Variants in USP39 observed in about 807,000 individuals in gnomAD.
USP39 encodes ubiquitin carboxyl-terminal hydrolase 39.
Under a neutral mutation model 66.4 loss-of-function variants are expected in USP39, and 38 were observed. The observed-to-expected ratio is 0.57, with a 90% CI of 0.44 to 0.75. The LOEUF is 0.75. Among genes scored for constraint, USP39 ranks in the 30% least tolerant of loss-of-function variants. USP39 has a pLI of 0.00. For synonymous variants in USP39, 303 were observed against 274.6 expected, an observed-to-expected ratio of 1.10 and a Z score of -1.02; for missense variants, 608 against 714.4, an observed-to-expected ratio of 0.85 and a Z score of 1.70.
intron 9 of USP39, 97 bp downstream of exon 9, chr2:85,639,488 C>G (rs549994476): frequency 1.7e-4 from 221 of 1,320,742 alleles, no homozygotes; most frequent in Admixed American, 1.4e-3. Flanking sequence ...GAGTTTTGCT[C>G]TTGTCGCCCA....
In USP39 at chr2:85,616,363, G is replaced by T. The variant is rs757922278; in HGVS notation, c.168G>T (p.Pro56=). Reference sequence around the variant, plus strand: ...TGCGCGTGAAGCGGGAGTTCGAGCCGGCGAGCGCGCGCGAGGCCCCGGCTT... The same window carrying T: ...TGCGCGTGAAGCGGGAGTTCGAGCCTGCGAGCGCGCGCGAGGCCCCGGCTT... The part of the protein sequence containing the change: ...SPVRVKREFE[P]ASAREAPASV... The change falls in exon 1 of 13, where the codon CCG becomes CCT. Residue 56 remains proline, a synonymous_variant. Transcript: ENST00000323701. The T allele has an allele frequency of 6.2e-7, 1 of 1,601,414 alleles. No individual in the cohort carries two copies. Among genetic ancestry groups the T allele is most frequent in the Admixed American group, 1.7e-5 (1 of 58,978 alleles).
intron 10 of USP39, among the ~76,000 whole-genome samples, chr2:85,642,026 G>A (rs571839107): frequency 4.4e-4 from 66 of 151,478 alleles, no homozygotes; most frequent in African/African-American, 1.5e-3. Flanking sequence ...GGCTGTCTTA[G>A]TGGTGGGACC....
At chr2:85,621,667 A>G (rs1674473790) in intron 3 of USP39, 88 bp downstream of exon 3, 4 of 993,666 alleles carry the variant, frequency 4.0e-6, no homozygotes, top group Non-Finnish European at 6.0e-6. Context: ...CTCAGGAATC[A>G]TATCTAATAA....
chr2:85,612,176 A>C, upstream of USP39: 2 of 921,844 alleles, frequency 2.2e-6, no homozygotes, highest in Non-Finnish European at 3.2e-6. Flanking sequence ...GGAGTAGGGT[A>C]TGCTTGACTT....
In USP39 at chr2:85,616,703, A is replaced by G. The variant is rs866049715; in HGVS notation, c.268+240A>G. 1.5e-4 allele frequency among the ~76,000 whole-genome samples: 20 copies of G among 129,240 alleles called. No individual in the cohort carries two copies. In the South Asian group the frequency reaches 3.4e-3, roughly 22 times the overall value. 84.8% of individuals were successfully genotyped at this position (129,240 alleles called of 152,430 possible). On this transcript the variant is annotated intron_variant, in intron 1 of 12. Coordinates refer to ENST00000323701, the MANE Select transcript of USP39 (RefSeq NM_006590.4). ...CTTTTTTTTTTTTTTTTTGAGATGG[A>G]GTCTCATTCTGTCACCCAGGATGGA...
chr2:85,626,945 C>G (rs1674914070), intron 5 of USP39, among the ~76,000 whole-genome samples: 1 of 152,082 alleles, frequency 6.6e-6, no homozygotes, highest in Admixed American at 6.6e-5. Context: ...GACAGGGTTT[C>G]ACCATTTTGG....
intron 4 of USP39, 25 bp from the exon 5 acceptor site, chr2:85,625,514 C>G: frequency 1.2e-6 from 2 of 1,612,172 alleles, no homozygotes; most frequent in Non-Finnish European, 1.7e-6. Context: ...TCTTAAACAA[C>G]TTAGCATTTT....
chr2:85,629,812 T>C (rs1232915088), intron 5 of USP39, among the ~76,000 whole-genome samples: 2 of 152,028 alleles, frequency 1.3e-5, no homozygotes, highest in African/African-American at 4.8e-5. Context: ...TTTTCCGTCA[T>C]AACAGAGTAT....
rs758092721 is a variant in USP39, at chr2:85,616,418, G to C, written c.223G>C (p.Glu75Gln). Residue 75 changes from glutamate to glutamine, a missense_variant, in exon 1 of 13, where the codon GAG becomes CAG. Transcript: ENST00000323701. ...TGTCCCGTTTGTGCGGGTGAAGCGG[G>C]AGCGCGAGGTCGATGAGGACTCGGA... ...SVVPFVRVKR[E>Q]REVDEDSEPE... 1.3e-6 allele frequency: 2 copies of C among 1,595,480 alleles called. No individual in the cohort carries two copies. Among genetic ancestry groups the C allele is most frequent in the South Asian group, 1.1e-5 (1 of 89,154 alleles).
At chr2:85,611,614 G>C, upstream of USP39, 6 of 1,558,310 alleles carry the variant, frequency 3.9e-6, no homozygotes, top group Non-Finnish European at 5.2e-6. Flanking sequence ...GAGAAGGGGA[G>C]TGCGTTGCAG....
chr2:85,648,872 G>A lies in USP39; in HGVS notation c.*64G>A, dbSNP rs551278306. 2 of 1,597,326 alleles carry A rather than the reference G, an allele frequency of 1.3e-6. No individual in the cohort carries two copies. Among genetic ancestry groups the A allele is most frequent in the South Asian group, 2.2e-5 (2 of 90,634 alleles). On this transcript the variant is annotated 3_prime_UTR_variant, in exon 13 of 13. Transcript: ENST00000323701. ...GATGATGGTAAATAAGAACACAGAA[G>A]CTGTAGCTGAACACAGGCTGGCTGG...
intron 5 of USP39, among the ~76,000 whole-genome samples, chr2:85,628,690 G>A (rs1164311257): frequency 6.6e-6 from 1 of 152,180 alleles, no homozygotes; most frequent in Non-Finnish European, 1.5e-5. Flanking sequence ...AGGCCAGAGT[G>A]CAACCTTTTC....
At position 85,647,991 on chromosome 2, in the gene USP39, T is replaced by C; in HGVS notation, c.1625T>C (p.Ile542Thr). ...GTGACTGACATCCTTCCCCAGATGA[T>C]CACACTGTCAGAGGCTTACATTCAG... is the stretch of plus-strand genomic sequence containing the variant. ...LQVTDILPQMITLSEAYIQIW... is the reference protein window; with the variant it reads ...LQVTDILPQMTTLSEAYIQIW... Residue 542 changes from isoleucine to threonine, a missense_variant, in exon 12 of 13, where the codon ATC (isoleucine) becomes ACC (threonine). Coordinates refer to ENST00000323701, the MANE Select transcript of USP39 (RefSeq NM_006590.4). 6.2e-7 allele frequency: 1 copy of C among 1,614,142 alleles called. No homozygotes were observed. Among genetic ancestry groups the C allele is most frequent in the East Asian group, 2.2e-5 (1 of 44,882 alleles).
intron 10 of USP39, among the ~76,000 whole-genome samples, chr2:85,644,283 C>CT (rs199880993): frequency 7.5e-4 from 114 of 151,186 alleles, no homozygotes; most frequent in Non-Finnish European, 1.2e-3. Flanking sequence ...GATGCAATGT[C>CT]TTTTTTTTTA....
chr2:85,636,883 G>A (rs1675816572), intron 7 of USP39, among the ~76,000 whole-genome samples: 1 of 152,140 alleles, frequency 6.6e-6, no homozygotes, highest in African/African-American at 2.4e-5. Flanking sequence ...TCTCTAACTT[G>A]CGTCTTGGCA....
At chr2:85,612,191 C>G (rs1215034199), upstream of USP39, 1 of 1,021,030 alleles carries the variant, frequency 9.8e-7, no homozygotes, top group Non-Finnish European at 1.4e-6. Context: ...TGACTTCCAC[C>G]CCCCGGACGG....
chr2:85,644,998 A>G lies in USP39; in HGVS notation c.1478A>G (p.Lys493Arg). 1 of 1,614,218 alleles carries G rather than the reference A, an allele frequency of 6.2e-7. No individual in the cohort carries two copies. Among genetic ancestry groups the G allele is most frequent in the Non-Finnish European group, 8.5e-7 (1 of 1,180,046 alleles). The change falls in exon 11 of 13, where the codon AAG becomes AGG. Residue 493 changes from lysine (K) to arginine (R), a missense_variant. By Grantham distance (26) the Lys-to-Arg change is conservative (BLOSUM62 2). This residue lies in a region of USP39 where 164 missense variants were observed against 250.3 expected (regional missense o/e 0.66). Coordinates refer to ENST00000323701, the MANE Select transcript of USP39 (RefSeq NM_006590.4). ...TCTGAAGAAGTACAAGCAGTACACA[A>G]GAATACCACCTATGACCTCATTGCC... ...YLSEEVQAVH[K>R]NTTYDLIANI... is the part of the protein sequence containing the mutation.
At chr2:85,633,311 C>T (rs1282556056) in intron 6 of USP39, among the ~76,000 whole-genome samples, 10 of 151,944 alleles carry the variant, frequency 6.6e-5, no homozygotes, top group Admixed American at 4.6e-4. Context: ...TTAGTAGAGA[C>T]GGAGTTTCAC....
At chr2:85,647,544 C>T (rs1398045549) in intron 11 of USP39, among the ~76,000 whole-genome samples, 1 of 151,732 alleles carries the variant, frequency 6.6e-6, no homozygotes, top group Non-Finnish European at 1.5e-5. Flanking sequence ...ACCTGTAGTT[C>T]CAGCTACCTG....
Sources: gnomAD v4.1 joint callset for allele counts (sites outside exome capture counted in the v4.1 genomes callset) on GRCh38, gnomAD v4.1.1 for gene constraint, gnomAD v4.1.1 regional missense constraint, MANE v1.5 for transcripts, NCBI Gene and HGNC (gene_info 2026-07-23, HGNC 2026-07-21) for gene names.